Variants in KIF20B observed in about 807,000 individuals in gnomAD.
KIF20B encodes kinesin family member 20B, also known as kinesin-like protein KIF20B.
A neutral mutation model predicts 232.5 loss-of-function variants in KIF20B; 188 were observed. The ratio of observed to expected loss-of-function variants is 0.81; its 90% CI spans 0.72 to 0.91. KIF20B has a LOEUF of 0.91. Ranked by LOEUF, KIF20B falls within the 40% of genes least tolerant of loss-of-function variation. The pLI, the probability that KIF20B is intolerant of heterozygous loss-of-function variation, is 0.00. For missense variants in KIF20B, 2,154 were observed against 2,055.9 expected, an observed-to-expected ratio of 1.05 and a Z score of -0.92; for synonymous variants, 712 against 683.0, an observed-to-expected ratio of 1.04 and a Z score of -0.66.
rs2133177988 is a variant in KIF20B, at chr10:89,768,492, G to C, written c.5091+101G>C. ...TTCTCTTTCCTATACATCTGATTCA[G>C]TTGAAATGTAACCTTTAGCATTTGG... On this transcript the variant is annotated intron_variant, in intron 30 of 32. Transcript: ENST00000371728. 3 of 799,010 alleles carry C rather than the reference G, an allele frequency of 3.8e-6. No individual in the cohort carries two copies. In the East Asian group the frequency reaches 7.7e-5, roughly 21 times the overall value. 49.5% of individuals were successfully genotyped at this position (799,010 alleles called of 1,614,324 possible).
At chr10:89,706,409 G>A (rs1346849601) in intron 2 of KIF20B, among the ~76,000 whole-genome samples, 1 of 152,046 alleles carries the variant, frequency 6.6e-6, no homozygotes, top group Non-Finnish European at 1.5e-5. Flanking sequence ...AAAATTTAAA[G>A]ACATTCAATT....
chr10:89,710,391 AG>A lies in KIF20B; in HGVS notation c.490+327del, dbSNP rs111270684. Among the ~76,000 whole-genome samples the A allele has an allele frequency of 4.6e-3, 701 of 151,956 alleles. 6 individuals are homozygous for A. Among genetic ancestry groups the A allele is most frequent in the African/African-American group, 0.016 (645 of 41,440 alleles). On this transcript the variant is annotated intron_variant, in intron 5 of 32. Coordinates refer to ENST00000371728, the MANE Select transcript of KIF20B (RefSeq NM_001284259.2). Reference sequence around the variant, plus strand: ...ACTACAGGCGTGCGCCACCATGCCAAGCTAGTTTTTATATTTTTGTAGAAAT... The same window carrying A: ...ACTACAGGCGTGCGCCACCATGCCAACTAGTTTTTATATTTTTGTAGAAAT...
At chr10:89,702,366 G>A (rs765655404) in intron 1 of KIF20B, among the ~76,000 whole-genome samples, 1 of 152,118 alleles carries the variant, frequency 6.6e-6, no homozygotes, top group Admixed American at 6.5e-5. Flanking sequence ...ATCTCGATTC[G>A]CTCGCTGGTT....
intron 25 of KIF20B, among the ~76,000 whole-genome samples, chr10:89,753,646 G>A (rs978624493): frequency 4.6e-5 from 7 of 152,096 alleles, no homozygotes; most frequent in African/African-American, 1.7e-4. Flanking sequence ...TTTTGAGACG[G>A]AATCTTGCTC....
chr10:89,716,143 T>A (rs995209508), intron 8 of KIF20B, among the ~76,000 whole-genome samples: 3 of 152,254 alleles, frequency 2.0e-5, no homozygotes, highest in African/African-American at 7.2e-5. Flanking sequence ...ACTTTGCCAC[T>A]CTTTTTTTCC....
At chr10:89,707,738 C>A (rs1345469186) in intron 2 of KIF20B, among the ~76,000 whole-genome samples, 1 of 151,910 alleles carries the variant, frequency 6.6e-6, no homozygotes, top group Non-Finnish European at 1.5e-5. Flanking sequence ...TCTTATTACT[C>A]ATTTTGCTGC....
At chr10:89,733,129 C>T in intron 19 of KIF20B, 73 bp downstream of exon 19, 1 of 1,462,596 alleles carries the variant, frequency 6.8e-7, no homozygotes, top group Non-Finnish European at 9.5e-7. Context: ...ACAAGGCAAA[C>T]AGAGGGGCAT....
At chr10:89,724,573 G>C (rs528141454) in intron 14 of KIF20B, among the ~76,000 whole-genome samples, 40 of 152,156 alleles carry the variant, frequency 2.6e-4, no homozygotes, top group African/African-American at 8.2e-4. Context: ...TCCCATGCAT[G>C]GTTATTTAAA....
At chr10:89,762,984 T>C (rs907872341) in intron 29 of KIF20B, 149 bp downstream of exon 29, 2 of 627,698 alleles carry the variant, frequency 3.2e-6, no homozygotes, top group African/African-American at 3.7e-5. Flanking sequence ...TTATACCCTT[T>C]AAGGATATCA....
At chr10:89,725,824 GT>G (rs1051577277) in intron 15 of KIF20B, among the ~76,000 whole-genome samples, 5 of 150,994 alleles carry the variant, frequency 3.3e-5, no homozygotes, top group African/African-American at 4.9e-5. Flanking sequence ...GGGGGAGTTG[GT>G]TTTTTTTTGT....
intron 23 of KIF20B, among the ~76,000 whole-genome samples, chr10:89,748,233 C>T (rs1250985137): frequency 1.3e-5 from 2 of 152,214 alleles, no homozygotes; most frequent in African/African-American, 4.8e-5. Flanking sequence ...TAGTCTTGAA[C>T]TCCTGACCTC....
At chr10:89,773,892 T>G in intron 32 of KIF20B, 79 bp from the exon 33 acceptor site, 1 of 759,150 alleles carries the variant, frequency 1.3e-6, no homozygotes, top group Non-Finnish European at 2.1e-6. Context: ...CACATGAACA[T>G]GTCTTACTCA....
intron 23 of KIF20B, among the ~76,000 whole-genome samples, chr10:89,750,274 T>C (rs996992869): frequency 6.6e-6 from 1 of 152,082 alleles, no homozygotes; most frequent in Non-Finnish European, 1.5e-5. Flanking sequence ...ATGCAAAGTG[T>C]AAGAGGGAGG....
rs754382182 is a variant in KIF20B, at chr10:89,737,842, A to G, written c.3001A>G (p.Ile1001Val). 6.2e-6 allele frequency: 10 copies of G among 1,613,548 alleles called. No individual in the cohort carries two copies. Among genetic ancestry groups the G allele is most frequent in the Non-Finnish European group, 8.5e-6 (10 of 1,179,624 alleles). ...ACGTACTCTTGATTCAGTTTCTCAGATTTCAAACATAGATTTGCTCAATCT... is the reference window on the plus strand; with the variant it reads ...ACGTACTCTTGATTCAGTTTCTCAGGTTTCAAACATAGATTTGCTCAATCT... Reference protein sequence around the residue: ...ELRTLDSVSQISNIDLLNLRD... With the variant: ...ELRTLDSVSQVSNIDLLNLRD... Residue 1001 changes from isoleucine (I) to valine (V), a missense_variant, in exon 20 of 33, where the codon ATT (isoleucine) becomes GTT (valine). Coordinates refer to ENST00000371728, the MANE Select transcript of KIF20B (RefSeq NM_001284259.2).
chr10:89,708,971 CT>C (rs1463914099), intron 2 of KIF20B, among the ~76,000 whole-genome samples, 195 bp from the exon 3 acceptor site: 1 of 151,944 alleles, frequency 6.6e-6, no homozygotes, highest in African/African-American at 2.4e-5. Context: ...GAAATTGGAT[CT>C]TTTTTGGTGT....
At chr10:89,703,829 T>C (rs1427117725) in intron 1 of KIF20B, among the ~76,000 whole-genome samples, 1 of 150,968 alleles carries the variant, frequency 6.6e-6, no homozygotes, top group Middle Eastern at 3.2e-3. Context: ...CTCGGCTCAC[T>C]GCAGCCTCTG....
chr10:89,702,214 C>T (rs1842627055), intron 1 of KIF20B, among the ~76,000 whole-genome samples: 1 of 152,088 alleles, frequency 6.6e-6, no homozygotes, highest in Non-Finnish European at 1.5e-5. Flanking sequence ...GCGGGGGGAG[C>T]CCTGTGGTAG....
intron 13 of KIF20B, among the ~76,000 whole-genome samples, chr10:89,722,668 CA>C (rs1458081933): frequency 6.6e-6 from 1 of 151,492 alleles, no homozygotes; most frequent in African/African-American, 2.4e-5. Flanking sequence ...GACTCCGTCT[CA>C]AAAAAAATAA....
intron 28 of KIF20B, 48 bp downstream of exon 28, chr10:89,760,684 AT>A: frequency 9.1e-7 from 1 of 1,101,376 alleles, no homozygotes; most frequent in Non-Finnish European, 1.4e-6. Flanking sequence ...TTTATCCACT[AT>A]TACTAAATAA....
Sources: allele counts gnomAD v4.1 joint callset (sites outside exome capture counted in the v4.1 genomes callset), GRCh38; gene constraint gnomAD v4.1.1; transcripts MANE v1.5; gene names NCBI Gene and HGNC (gene_info 2026-07-23, HGNC 2026-07-21).